Variants in PTPRN2 observed in about 807,000 individuals in gnomAD.
PTPRN2 encodes protein tyrosine phosphatase receptor type N2, also known as receptor-type tyrosine-protein phosphatase N2.
In PTPRN2, 74 loss-of-function variants were observed where a neutral mutation model predicts 118.8. That is an observed-to-expected ratio of 0.62 (90% CI 0.52 to 0.76). The LOEUF (loss-of-function observed/expected upper bound fraction) is 0.76. PTPRN2 is among the 30% of genes least tolerant of loss of function. The pLI is 0.00. For synonymous variants in PTPRN2, 641 were observed against 608.0 expected (o/e 1.05, Z -0.80); for missense variants, 1,481 against 1,394.4 (o/e 1.06, Z -0.99).
chr7:157,847,847 C>T (rs1219105301), intron 12 of PTPRN2, among the ~76,000 whole-genome samples: 2 of 147,030 alleles, frequency 1.4e-5, no homozygotes, highest in Non-Finnish European at 3.0e-5. Context: ...CATGTGTGCC[C>T]GATGTCTACA....
At chr7:158,379,383 C>G (rs899902703) in intron 2 of PTPRN2, among the ~76,000 whole-genome samples, 2 of 151,762 alleles carry the variant, frequency 1.3e-5, no homozygotes, top group African/African-American at 4.8e-5. Context: ...AAAGCAAAGA[C>G]AGGAACAGAG....
intron 14 of PTPRN2, among the ~76,000 whole-genome samples, chr7:157,641,445 T>C (rs1282214302): frequency 6.6e-6 from 1 of 152,240 alleles, no homozygotes; most frequent in Admixed American, 6.5e-5. Flanking sequence ...TTTAGAAACG[T>C]CACTGCAATA....
At chr7:158,485,145 T>C (rs1820915612) in intron 2 of PTPRN2, among the ~76,000 whole-genome samples, 1 of 152,038 alleles carries the variant, frequency 6.6e-6, no homozygotes, top group South Asian at 2.1e-4. Flanking sequence ...TAATTCAGCC[T>C]TGAGCCACGA....
In PTPRN2 at chr7:157,831,898, G is replaced by A. The variant is rs1291780947; in HGVS notation, c.1788+66775C>T. ...ATAGCCATCCTTAAGCTGGGGGAGG[G>A]CAGTTATGGAGCTCCAGAGCGGGGT... On this transcript the variant is annotated intron_variant, in intron 12 of 22. Transcript: ENST00000389418. This position sits in a 1 kb window ranked among gnomAD's most constrained non-coding sequence, Gnocchi z 4.8. Among the ~76,000 whole-genome samples the A allele has an allele frequency of 1.3e-5, 2 of 152,214 alleles. No individual in the cohort carries two copies. Among genetic ancestry groups the A allele is most frequent in the Non-Finnish European group, 2.9e-5 (2 of 68,042 alleles).
chr7:157,928,008 TGGACAC>T (rs1799126168), intron 11 of PTPRN2, among the ~76,000 whole-genome samples: 2 of 152,060 alleles, frequency 1.3e-5, no homozygotes, highest in African/African-American at 4.8e-5. Context: ...CTGTGGGCAA[TGGACAC>T]GTGACAGGTG....
At chr7:158,541,506 A>G (rs771506445) in intron 1 of PTPRN2, 14 of 1,352,024 alleles carry the variant, frequency 1.0e-5, no homozygotes, top group African/African-American at 4.4e-5. Context: ...TGAAACAAAC[A>G]TCACTTCCAC....
At chr7:157,862,827 C>G (rs542733771) in intron 12 of PTPRN2, 1 of 152,556 alleles carries the variant, frequency 6.6e-6, no homozygotes. Context: ...CGGCGAGGTG[C>G]GCGGGAAGCG....
At chr7:158,159,858 G>A (rs1204546280) in intron 6 of PTPRN2, among the ~76,000 whole-genome samples, 1 of 152,214 alleles carries the variant, frequency 6.6e-6, no homozygotes, top group African/African-American at 2.4e-5. Flanking sequence ...AATATTACAT[G>A]CTCATGGCTA....
chr7:157,800,455 C>T (rs967164288), intron 12 of PTPRN2, among the ~76,000 whole-genome samples: 9 of 152,128 alleles, frequency 5.9e-5, no homozygotes, highest in South Asian at 2.1e-4. Flanking sequence ...CCCCTCAAAG[C>T]GACTCAACGA....
chr7:158,189,353 C>T (rs1317845181), intron 5 of PTPRN2, among the ~76,000 whole-genome samples: 5 of 152,128 alleles, frequency 3.3e-5, no homozygotes, highest in Non-Finnish European at 5.9e-5. Flanking sequence ...TAACTGAAAC[C>T]GAAGGAGGAG....
chr7:158,144,259 G>A (rs546925134), intron 6 of PTPRN2, among the ~76,000 whole-genome samples: 1 of 152,170 alleles, frequency 6.6e-6, no homozygotes, highest in Admixed American at 6.5e-5. Context: ...GCCCCCCAAG[G>A]TTTATAAAAA....
chr7:157,576,593 C>T lies in PTPRN2; in HGVS notation c.2783+20G>A, dbSNP rs111620339. The T allele has an allele frequency of 0.011, 17,276 of 1,595,174 alleles. 126 individuals are homozygous for T. Among genetic ancestry groups the T allele is most frequent in the Middle Eastern group, 0.015 (88 of 6,020 alleles). On this transcript the variant is annotated intron_variant, in intron 19 of 22. Transcript: ENST00000389418. ...GCGCGCTCAGCGCGCACTGCCCTGC[C>T]GGCGGGCCGCGCGTCATACCTGCGG...
intron 2 of PTPRN2, among the ~76,000 whole-genome samples, chr7:158,345,849 T>C (rs1385987164): frequency 6.6e-6 from 1 of 152,168 alleles, no homozygotes; most frequent in Non-Finnish European, 1.5e-5. Context: ...AGCAAGCACC[T>C]TCTTCCTGAG....
intron 11 of PTPRN2, among the ~76,000 whole-genome samples, chr7:158,061,421 G>A (rs1039051307): frequency 6.6e-6 from 1 of 152,208 alleles, no homozygotes; most frequent in Non-Finnish European, 1.5e-5. Flanking sequence ...TCCACCTGCC[G>A]CTGTGGCTCA....
intron 2 of PTPRN2, among the ~76,000 whole-genome samples, chr7:158,361,154 ACC>A (rs1176282209): frequency 1.3e-4 from 1 of 7,566 alleles, no homozygotes; most frequent in African/African-American, 2.1e-3. Context: ...TGACCCACAG[ACC>A]CTGCATCCAC....
intron 17 of PTPRN2, 141 bp from the exon 18 acceptor site, chr7:157,578,281 C>T (rs1800164762): frequency 1.0e-5 from 11 of 1,050,242 alleles, no homozygotes; most frequent in Middle Eastern, 2.2e-4. Context: ...ATGTTTACTC[C>T]GCAGCTGCCT....
chr7:158,025,892 C>T (rs890058561), intron 11 of PTPRN2, among the ~76,000 whole-genome samples: 2 of 152,204 alleles, frequency 1.3e-5, no homozygotes, highest in South Asian at 2.1e-4. Flanking sequence ...CTTCCGTTTA[C>T]GTTCTATTGT....
intron 12 of PTPRN2, among the ~76,000 whole-genome samples, chr7:157,686,567 G>T (rs945275847): frequency 1.3e-5 from 2 of 152,212 alleles, no homozygotes; most frequent in Non-Finnish European, 2.9e-5. Context: ...GACCCCCCAA[G>T]GCTGCACCAC....
At chr7:158,413,123 C>T (rs958589391) in intron 2 of PTPRN2, among the ~76,000 whole-genome samples, 6 of 151,830 alleles carry the variant, frequency 4.0e-5, no homozygotes, top group Non-Finnish European at 8.8e-5. Flanking sequence ...TCCTCAGCTC[C>T]AGGACCCATC....
Sources: allele counts gnomAD v4.1 joint callset (sites outside exome capture counted in the v4.1 genomes callset), GRCh38; gene constraint gnomAD v4.1.1; non-coding constraint Gnocchi (gnomAD v3.1); transcripts MANE v1.5; gene names NCBI Gene and HGNC (gene_info 2026-07-23, HGNC 2026-07-21).